Variants in STARD13 observed in about 807,000 individuals in gnomAD.
The protein encoded by STARD13 is stAR-related lipid transfer protein 13.
In STARD13, 62 loss-of-function variants were observed where a neutral mutation model predicts 106.4. The observed-to-expected ratio is 0.58, with a 90% confidence interval of 0.48 to 0.72. STARD13 has a LOEUF of 0.72. Among genes scored for constraint, STARD13 ranks in the 30% least tolerant of loss-of-function variants. STARD13 has a pLI of 0.00. For synonymous variants in STARD13, 565 were observed against 553.0 expected, an observed-to-expected ratio of 1.02 and a Z score of -0.31; for missense variants, 1,387 against 1,424.0, an observed-to-expected ratio of 0.97 and a Z score of 0.42.
chr13:33,603,791 A>G, the STARD13 span, among the ~76,000 whole-genome samples: 1 of 152,210 alleles, frequency 6.6e-6, no homozygotes, highest in Non-Finnish European at 1.5e-5. Context: ...AAGTTGTTTT[A>G]GCCTCAGACC....
chr13:33,641,689 C>A, the STARD13 span, among the ~76,000 whole-genome samples: 5 of 152,262 alleles, frequency 3.3e-5, no homozygotes, highest in African/African-American at 1.2e-4. Context: ...CTCCTGGAAC[C>A]GTGCTGTATG....
chr13:33,362,010 C>A, the STARD13 span, among the ~76,000 whole-genome samples: 2 of 152,204 alleles, frequency 1.3e-5, no homozygotes, highest in African/African-American at 4.8e-5. Context: ...TTTTATACAT[C>A]ATTTTGCAAG....
chr13:33,421,336 G>C, the STARD13 span, among the ~76,000 whole-genome samples: 1 of 152,132 alleles, frequency 6.6e-6, no homozygotes, highest in Non-Finnish European at 1.5e-5. Flanking sequence ...AAATAAACTA[G>C]AACATCTAGA....
the STARD13 span, among the ~76,000 whole-genome samples, chr13:33,485,994 A>G: frequency 6.6e-6 from 1 of 152,198 alleles, no homozygotes; most frequent in East Asian, 1.9e-4. Context: ...AGCGCTGAAG[A>G]TGGGAACAAT....
chr13:33,285,659 C>A lies in STARD13; in HGVS notation c.-21G>T. 6.2e-7 allele frequency: 1 copy of A among 1,610,718 alleles called. No homozygotes were observed. ...AACATCTCGGCAGATTTCCTATTGC[C>A]ACCTCAGTCTGCCTGTGGCTGTTGC... On this transcript the variant is annotated 5_prime_UTR_variant, in exon 1 of 14. Coordinates refer to ENST00000336934, the MANE Select transcript of STARD13 (RefSeq NM_178006.4).
the STARD13 span, among the ~76,000 whole-genome samples, chr13:33,381,308 C>T: frequency 4.6e-5 from 7 of 152,118 alleles, no homozygotes; most frequent in African/African-American, 9.7e-5. Flanking sequence ...CCCTACAAAA[C>T]GCCTATTAAA....
the STARD13 span, among the ~76,000 whole-genome samples, chr13:33,442,031 G>A: frequency 6.6e-6 from 1 of 152,138 alleles, no homozygotes; most frequent in Non-Finnish European, 1.5e-5. Context: ...ACTTGGTCTG[G>A]AAGCAAATAT....
chr13:33,565,312 C>A, the STARD13 span, among the ~76,000 whole-genome samples: 3 of 147,010 alleles, frequency 2.0e-5, no homozygotes, highest in Non-Finnish European at 4.5e-5. Context: ...ATCAATTGTA[C>A]ATTTCTAAAG....
chr13:33,114,272 T>A (rs568994005), intron 8 of STARD13, among the ~76,000 whole-genome samples: 2 of 152,136 alleles, frequency 1.3e-5, no homozygotes, highest in East Asian at 3.9e-4. Context: ...TCTGAGGGGG[T>A]CCTGGCTGGC....
chr13:33,644,574 G>A, the STARD13 span, among the ~76,000 whole-genome samples: 1 of 152,130 alleles, frequency 6.6e-6, no homozygotes, highest in East Asian at 1.9e-4. Flanking sequence ...TACAATGAGA[G>A]GCAGAGAGAG....
Position 33,127,396 on chromosome 13 carries a change from C to T in STARD13, c.1899G>A (p.Met633Ile), listed in dbSNP as rs570600797. 1 of 1,603,282 alleles carries T rather than the reference C, an allele frequency of 6.2e-7. No homozygotes were observed. Among genetic ancestry groups the T allele is most frequent in the East Asian group, 2.3e-5 (1 of 44,154 alleles). ...ACCATGTCCAGCCGTGCTTGTTGGA[C>T]ATGGAGTGCTTCTCCATGATGGCCG... ...RLTAIMEKHS[M>I]SNKHGWTWSV... is the part of the protein sequence containing the mutation. The change falls in exon 6 of 14, where the codon ATG becomes ATA. Residue 633 changes from methionine (M) to isoleucine (I), a missense_variant. Physicochemically the swap from Met to Ile is conservative, Grantham distance 10. Coordinates refer to ENST00000336934, the MANE Select transcript of STARD13 (RefSeq NM_178006.4).
chr13:33,575,464 G>T, the STARD13 span, among the ~76,000 whole-genome samples: 1 of 152,136 alleles, frequency 6.6e-6, no homozygotes, highest in Non-Finnish European at 1.5e-5. Context: ...GGATATGGTT[G>T]TTTTCACCAA....
At chr13:33,166,331 G>A (rs1883309689) in intron 2 of STARD13, among the ~76,000 whole-genome samples, 2 of 152,090 alleles carry the variant, frequency 1.3e-5, no homozygotes, top group African/African-American at 4.8e-5. Context: ...TTTTTTCATG[G>A]AAGGCTGCCT....
intron 1 of STARD13, among the ~76,000 whole-genome samples, chr13:33,327,267 T>A (rs1248063494): frequency 2.0e-5 from 3 of 152,382 alleles, no homozygotes; most frequent in Admixed American, 6.5e-5. Flanking sequence ...TATTCATTTT[T>A]TAAATGCTGG....
the STARD13 span, among the ~76,000 whole-genome samples, chr13:33,577,631 T>G: frequency 6.6e-6 from 1 of 152,158 alleles, no homozygotes; most frequent in Admixed American, 6.5e-5. Flanking sequence ...GGAAGGACAG[T>G]CTTTTTAACA....
At chr13:33,668,101 C>T in the STARD13 span, among the ~76,000 whole-genome samples, 1 of 152,214 alleles carries the variant, frequency 6.6e-6, no homozygotes, top group Non-Finnish European at 1.5e-5. Flanking sequence ...GCGCTGGAGT[C>T]TCTGAGCCTA....
At position 33,219,385 on chromosome 13, in the gene STARD13, G is replaced by C. The variant is rs1048142951; in HGVS notation, c.170-51763C>G. Reference sequence around the variant, plus strand: ...CATCCTGCTCCCCCATGCAGGGCTGGTTACATGATTTGTGGATCCCAGTGC... The same window carrying C: ...CATCCTGCTCCCCCATGCAGGGCTGCTTACATGATTTGTGGATCCCAGTGC... On this transcript the variant is annotated intron_variant, in intron 1 of 13. Coordinates refer to ENST00000336934, the MANE Select transcript of STARD13 (RefSeq NM_178006.4). Among the ~76,000 whole-genome samples, 5 of 151,790 alleles carry C rather than the reference G, an allele frequency of 3.3e-5. No individual in the cohort carries two copies. The East Asian group carries it at 5.8e-4, about 18-fold the overall frequency.
intron 1 of STARD13, among the ~76,000 whole-genome samples, chr13:33,324,665 GTT>G (rs1893675676): frequency 1.3e-5 from 2 of 152,072 alleles, no homozygotes; most frequent in South Asian, 4.1e-4. Flanking sequence ...ATTGCTTTCT[GTT>G]TTTCACTCAA....
chr13:33,457,494 A>C, the STARD13 span, among the ~76,000 whole-genome samples: 1 of 152,244 alleles, frequency 6.6e-6, no homozygotes, highest in Non-Finnish European at 1.5e-5. Context: ...ATAAGCCTGA[A>C]AACAACAGAT....
Sources: allele counts gnomAD v4.1 joint callset (sites outside exome capture counted in the v4.1 genomes callset), GRCh38; gene constraint gnomAD v4.1.1; transcripts MANE v1.5; gene names NCBI Gene and HGNC (gene_info 2026-07-23, HGNC 2026-07-21).